SEL1L3: variants seen among roughly 807,000 people sequenced by gnomAD.
SEL1L3 encodes the protein protein sel-1 homolog 3.
Under a neutral mutation model 142.8 loss-of-function variants are expected in SEL1L3, and 76 were observed. The ratio of observed to expected loss-of-function variants is 0.53; its 90% CI spans 0.44 to 0.64. SEL1L3 has a LOEUF of 0.64. SEL1L3 is among the 30% of genes least tolerant of loss of function. The pLI, the probability that SEL1L3 is intolerant of heterozygous loss-of-function variation, is 0.00. For missense variants in SEL1L3, 1,262 were observed against 1,381.7 expected (o/e 0.91, Z 1.37); for synonymous variants, 504 against 519.6 (o/e 0.97, Z 0.41).
chr4:25,855,621 T>C (rs1375671997), intron 1 of SEL1L3, among the ~76,000 whole-genome samples: 3 of 151,948 alleles, frequency 2.0e-5, no homozygotes, highest in African/African-American at 7.3e-5. Flanking sequence ...GTTAGCCAGG[T>C]GTGGTGGCGG....
intron 15 of SEL1L3, 91 bp from the exon 16 acceptor site, chr4:25,779,294 T>G (rs1719845635): frequency 2.1e-6 from 3 of 1,406,172 alleles, no homozygotes; most frequent in South Asian, 2.8e-5. Flanking sequence ...CCTGATATGA[T>G]TACAGGCTTA....
At position 25,829,476 on chromosome 4, in the gene SEL1L3, C is replaced by T. The variant is rs576586394; in HGVS notation, c.1157+622G>A. On this transcript the variant is annotated intron_variant, in intron 6 of 23. Transcript: ENST00000399878. ...ATATACATATATTATCTAGCTATGG[C>T]AAGGTATCCTGAATTCCTAATGAAG... Among the ~76,000 whole-genome samples the T allele has an allele frequency of 3.3e-5, 5 of 152,226 alleles. No individual in the cohort carries two copies. In the East Asian group the frequency reaches 9.6e-4, roughly 29 times the overall value.
chr4:25,802,595 T>A, intron 10 of SEL1L3, 133 bp from the exon 11 acceptor site: 1 of 769,752 alleles, frequency 1.3e-6, no homozygotes, highest in Middle Eastern at 2.5e-4. Context: ...CTTGCCTTTT[T>A]TTTTGAGACG....
the SEL1L3 span, among the ~76,000 whole-genome samples, chr4:25,716,881 C>A: frequency 6.6e-6 from 1 of 152,128 alleles, no homozygotes; most frequent in African/African-American, 2.4e-5. Flanking sequence ...AACCCCAGAA[C>A]CTTTGGAGGC....
chr4:25,757,155 C>T (rs1401436846), intron 23 of SEL1L3, among the ~76,000 whole-genome samples: 1 of 151,974 alleles, frequency 6.6e-6, no homozygotes, highest in Non-Finnish European at 1.5e-5. Context: ...GTAGTCCCAG[C>T]TACTCGGGAG....
chr4:25,724,566 C>T, the SEL1L3 span, among the ~76,000 whole-genome samples: 4 of 151,144 alleles, frequency 2.6e-5, no homozygotes, highest in African/African-American at 7.3e-5. Flanking sequence ...ACAGTGAAAC[C>T]GTCTCTACTA....
chr4:25,778,378 C>T (rs1182284425), intron 16 of SEL1L3, among the ~76,000 whole-genome samples: 1 of 151,960 alleles, frequency 6.6e-6, no homozygotes, highest in Non-Finnish European at 1.5e-5. Flanking sequence ...GAAATTCAGG[C>T]ACCTGGAGGA....
chr4:25,833,832 C>T (rs530125657), intron 3 of SEL1L3, among the ~76,000 whole-genome samples: 1 of 152,262 alleles, frequency 6.6e-6, no homozygotes, highest in Non-Finnish European at 1.5e-5. Flanking sequence ...GTTTCTCTGC[C>T]TCTTTGAGAA....
chr4:25,820,125 C>T (rs866332410), intron 7 of SEL1L3, among the ~76,000 whole-genome samples, 185 bp from the exon 8 acceptor site: 5 of 152,212 alleles, frequency 3.3e-5, no homozygotes, highest in African/African-American at 1.2e-4. Context: ...GACATGCCAG[C>T]TCTGATGGCT....
chr4:25,779,108 C>T lies in SEL1L3; in HGVS notation c.2553G>A (p.Glu851=). The T allele has an allele frequency of 6.2e-7, 1 of 1,613,628 alleles. No homozygotes were observed. Among genetic ancestry groups the T allele is most frequent in the Non-Finnish European group, 8.5e-7 (1 of 1,179,642 alleles). ...CTTTCTCAGGATCTCTAGGGAATGTCTCCAGGTTGCCTGTGATATAGTAGA... is the reference window on the plus strand; with the variant it reads ...CTTTCTCAGGATCTCTAGGGAATGTTTCCAGGTTGCCTGTGATATAGTAGA... ...CSLYYITGNL[E]TFPRDPEKAV... Residue 851 remains glutamate, a synonymous_variant, in exon 16 of 24, where the codon GAG becomes GAA. Coordinates refer to ENST00000399878, the MANE Select transcript of SEL1L3 (RefSeq NM_015187.5).
At chr4:25,794,305 A>G (rs1712559269) in intron 11 of SEL1L3, among the ~76,000 whole-genome samples, 1 of 152,242 alleles carries the variant, frequency 6.6e-6, no homozygotes, top group South Asian at 2.1e-4. Flanking sequence ...AGAGTCTATA[A>G]GGAACTTAAA....
At chr4:25,846,791 C>T (rs1487119075) in intron 2 of SEL1L3, among the ~76,000 whole-genome samples, 4 of 151,756 alleles carry the variant, frequency 2.6e-5, no homozygotes, top group Non-Finnish European at 5.9e-5. Flanking sequence ...TGCCTGTAAT[C>T]CCAGCTACTC....
At chr4:25,731,732 T>C in the SEL1L3 span, among the ~76,000 whole-genome samples, 1 of 152,178 alleles carries the variant, frequency 6.6e-6, no homozygotes, top group South Asian at 2.1e-4. Context: ...CCAGACTTCT[T>C]GTTCATGGGC....
intron 2 of SEL1L3, among the ~76,000 whole-genome samples, chr4:25,839,135 A>C (rs1716013893): frequency 6.6e-6 from 1 of 152,242 alleles, no homozygotes; most frequent in Non-Finnish European, 1.5e-5. Context: ...ATGCTTTCCA[A>C]ACACAGGACA....
At chr4:25,854,479 T>C (rs1717112222) in intron 1 of SEL1L3, among the ~76,000 whole-genome samples, 1 of 152,130 alleles carries the variant, frequency 6.6e-6, no homozygotes, top group South Asian at 2.1e-4. Flanking sequence ...AGTTTCACCA[T>C]GTTGGCCAGG....
Position 25,807,280 on chromosome 4 carries a change from G to A in SEL1L3, c.1565-2528C>T, listed in dbSNP as rs559367260. Among the ~76,000 whole-genome samples, 3 of 152,188 alleles carry A rather than the reference G, an allele frequency of 2.0e-5. No individual in the cohort carries two copies. In the East Asian group the frequency reaches 5.8e-4, roughly 29 times the overall value. On this transcript the variant is annotated intron_variant, in intron 9 of 23. Transcript: ENST00000399878. ...CAACAACGTGGCATTGAACATCCTC[G>A]AACATTTCCACTTCCCTCTGCTAAT...
intron 1 of SEL1L3, among the ~76,000 whole-genome samples, chr4:25,859,072 A>G (rs1717489034): frequency 6.6e-6 from 1 of 152,260 alleles, no homozygotes; most frequent in African/African-American, 2.4e-5. Context: ...GTTTTCTGGA[A>G]GTGCCATTAT....
Position 25,757,554 on chromosome 4 carries a change from T to G in SEL1L3, c.3239A>C (p.Gln1080Pro), listed in dbSNP as rs1226711793. The G allele has an allele frequency of 5.2e-6, 8 of 1,550,048 alleles. No individual in the cohort carries two copies. In the Admixed American group the frequency reaches 1.2e-4, roughly 23 times the overall value. Reference sequence around the variant, plus strand: ...TTTACCTGAGACAGACTGGAAATACTGCACAGTCCAGGCGATCAATATGGA... The same window carrying G: ...TTTACCTGAGACAGACTGGAAATACGGCACAGTCCAGGCGATCAATATGGA... Reference protein sequence around the residue: ...LLSILIAWTVQYFQSVSASDP... With the variant: ...LLSILIAWTVPYFQSVSASDP... Residue 1080 changes from glutamine (Q) to proline (P), a missense_variant, in exon 23 of 24, where the codon CAG (glutamine) becomes CCG (proline). By Grantham distance (76) the Gln-to-Pro change is moderately conservative (BLOSUM62 -1). Coordinates refer to ENST00000399878, the MANE Select transcript of SEL1L3 (RefSeq NM_015187.5).
chr4:25,862,820 G>A lies in SEL1L3; in HGVS notation c.17C>T (p.Ala6Val). Residue 6 changes from alanine to valine, a missense_variant, in exon 1 of 24, where the codon GCG (alanine) becomes GTG (valine). Transcript: ENST00000399878. ...CTGCTGCCGCGGCCACCCGAGCCCC[G>A]CGCCGCGCCGCTGCATGGCGAGGCC... is the stretch of plus-strand genomic sequence containing the variant. MQRRGAGLGWPRQQQQ... is the reference protein window; with the variant it reads MQRRGVGLGWPRQQQQ... 8.8e-7 allele frequency: 1 copy of A among 1,138,294 alleles called. No individual in the cohort carries two copies. Among genetic ancestry groups the A allele is most frequent in the African/African-American group, 1.6e-5 (1 of 60,832 alleles). The allele number at this position is 1,138,294 out of a possible 1,614,324, so 70.5% of individuals were successfully genotyped here. A position where few individuals can be genotyped will look rare whatever the true frequency, so the allele number is the denominator to read the frequency against.
Sources: allele counts gnomAD v4.1 joint callset (sites outside exome capture counted in the v4.1 genomes callset), GRCh38; gene constraint gnomAD v4.1.1; transcripts MANE v1.5; gene names NCBI Gene and HGNC (gene_info 2026-07-23, HGNC 2026-07-21).